Variants in AKR1C8 observed in about 807,000 individuals in gnomAD.
AKR1C8 encodes aldo-keto reductase family 1 member C-like protein 1.
the AKR1C8 span, among the ~76,000 whole-genome samples, chr10:5,149,736 G>T: frequency 1.3e-5 from 2 of 151,710 alleles, no homozygotes; most frequent in Non-Finnish European, 2.9e-5. Flanking sequence ...TCCAGTTAAA[G>T]CTTTGATAAA....
At chr10:5,165,118 A>G in the AKR1C8 span, among the ~76,000 whole-genome samples, 1 of 152,136 alleles carries the variant, frequency 6.6e-6, no homozygotes, top group South Asian at 2.1e-4. Context: ...TTTTGTCCCT[A>G]CTGATAGACA....
the AKR1C8 span, among the ~76,000 whole-genome samples, chr10:5,181,315 T>C: frequency 6.6e-6 from 1 of 152,208 alleles, no homozygotes; most frequent in Non-Finnish European, 1.5e-5. Flanking sequence ...GAAATTCGAC[T>C]TTCTTTTGAA....
chr10:5,148,187 G>A, the AKR1C8 span, among the ~76,000 whole-genome samples: 1 of 152,094 alleles, frequency 6.6e-6, no homozygotes. Context: ...ATCTCAGGAG[G>A]CCAGGAGAAT....
At chr10:5,152,301 C>A in the AKR1C8 span, among the ~76,000 whole-genome samples, 2 of 152,158 alleles carry the variant, frequency 1.3e-5, no homozygotes, top group African/African-American at 2.4e-5. Flanking sequence ...TTTGGGAATG[C>A]CACTGTTTGC....
At chr10:5,137,292 A>G in the AKR1C8 span, among the ~76,000 whole-genome samples, 1 of 152,134 alleles carries the variant, frequency 6.6e-6, no homozygotes, top group Non-Finnish European at 1.5e-5. Flanking sequence ...GCAGAGACAC[A>G]ACAAAAAAGA....
At chr10:5,159,341 G>A in the AKR1C8 span, among the ~76,000 whole-genome samples, 2 of 152,142 alleles carry the variant, frequency 1.3e-5, no homozygotes, top group Non-Finnish European at 2.9e-5. Context: ...AAGCCATTAG[G>A]AAGTGATGTG....
chr10:5,163,168 G>T, the AKR1C8 span: 1 of 343,510 alleles, frequency 2.9e-6, no homozygotes. Context: ...TGTACTCTGA[G>T]GACATTGATT....
At chr10:5,162,854 T>C in the AKR1C8 span, 1 of 533,424 alleles carries the variant, frequency 1.9e-6, no homozygotes, top group Non-Finnish European at 3.9e-6. Context: ...AACTTTCACC[T>C]TGATGGTGTA....
At chr10:5,150,260 G>T in the AKR1C8 span, among the ~76,000 whole-genome samples, 7 of 152,038 alleles carry the variant, frequency 4.6e-5, no homozygotes, top group Non-Finnish European at 1.0e-4. Flanking sequence ...GTGATTATAA[G>T]TTGCTTTTTG....
chr10:5,129,877 A>C, the AKR1C8 span, among the ~76,000 whole-genome samples: 22 of 151,966 alleles, frequency 1.4e-4, no homozygotes, highest in East Asian at 3.9e-3. Flanking sequence ...GAAAATATTC[A>C]AAAAGATAGA....
the AKR1C8 span, among the ~76,000 whole-genome samples, chr10:5,167,692 C>T: frequency 6.6e-6 from 1 of 151,954 alleles, no homozygotes; most frequent in Non-Finnish European, 1.5e-5. Flanking sequence ...TGACTAGTTA[C>T]TGGATGCAGC....
the AKR1C8 span, among the ~76,000 whole-genome samples, chr10:5,182,405 C>T: frequency 6.6e-6 from 1 of 152,114 alleles, no homozygotes; most frequent in East Asian, 1.9e-4. Context: ...AAACAGGGTT[C>T]CTAACCTATA....
At chr10:5,124,242 A>G in the AKR1C8 span, among the ~76,000 whole-genome samples, 1 of 152,232 alleles carries the variant, frequency 6.6e-6, no homozygotes, top group African/African-American at 2.4e-5. Flanking sequence ...ATGTTTGTAT[A>G]GATTTGAACA....
the AKR1C8 span, among the ~76,000 whole-genome samples, chr10:5,118,826 TGGAG>T: frequency 6.6e-6 from 1 of 152,134 alleles, no homozygotes; most frequent in Non-Finnish European, 1.5e-5. Context: ...GCCATTTGAC[TGGAG>T]GGAGATATTT....
At chr10:5,142,335 C>T in the AKR1C8 span, among the ~76,000 whole-genome samples, 1,356 of 152,194 alleles carry the variant, frequency 8.9e-3, 18 homozygotes, top group African/African-American at 0.031. Context: ...GCTTGTTTTG[C>T]ATTCTAACCA....
the AKR1C8 span, among the ~76,000 whole-genome samples, chr10:5,178,997 A>C: frequency 6.6e-6 from 1 of 152,098 alleles, no homozygotes; most frequent in East Asian, 1.9e-4. Flanking sequence ...TAATATTATT[A>C]TGTTTGAATT....
chr10:5,145,035 A>G, the AKR1C8 span, among the ~76,000 whole-genome samples: 2 of 151,592 alleles, frequency 1.3e-5, no homozygotes, highest in East Asian at 3.9e-4. Flanking sequence ...ATTATTTTGA[A>G]ATATGTCCCA....
At chr10:5,153,234 C>CTTGA in the AKR1C8 span, among the ~76,000 whole-genome samples, 60,449 of 151,502 alleles carry the variant, frequency 0.4, 12,790 homozygotes, top group African/African-American at 0.43. Context: ...TAAAGTTTTG[C>CTTGA]TTAATAAATG....
chr10:5,146,592 C>G, the AKR1C8 span, among the ~76,000 whole-genome samples: 1 of 152,106 alleles, frequency 6.6e-6, no homozygotes, highest in Non-Finnish European at 1.5e-5. Flanking sequence ...CCATACTCCA[C>G]AATTTGTGAA....
Sources: gnomAD v4.1 joint callset for allele counts (sites outside exome capture counted in the v4.1 genomes callset) on GRCh38, gnomAD v4.1.1 for gene constraint, MANE v1.5 for transcripts, NCBI Gene and HGNC (gene_info 2026-07-23, HGNC 2026-07-21) for gene names.